CAMTA1: variants seen among roughly 807,000 people sequenced by gnomAD.
CAMTA1 encodes the protein calmodulin-binding transcription activator 1.
In CAMTA1, 27 loss-of-function variants were observed where a neutral mutation model predicts 170.9. The ratio of observed to expected loss-of-function variants is 0.16; its 90% CI spans 0.12 to 0.22. The LOEUF is 0.22. Among genes scored for constraint, CAMTA1 ranks in the 10% least tolerant of loss-of-function variants. The pLI is 1.00. For missense variants in CAMTA1, 1,619 were observed against 2,217.2 expected (o/e 0.73, Z 5.42); for synonymous variants, 833 against 891.5 (o/e 0.93, Z 1.17).
chr1:7,302,594 G>T (rs1674938148), intron 5 of CAMTA1, among the ~76,000 whole-genome samples: 1 of 152,226 alleles, frequency 6.6e-6, no homozygotes, highest in African/African-American at 2.4e-5. Context: ...AATAACTGCA[G>T]TTAGAAGATT....
rs12751828 is a variant in CAMTA1 at position 7,492,749 on chromosome 1, A to G, written c.510+24848A>G. Among the ~76,000 whole-genome samples the G allele has an allele frequency of 3.8e-3, 532 of 139,240 alleles. 6 individuals carry two copies. The highest frequency in any genetic ancestry group is 9.2e-3 in the African/African-American group (331 of 35,980). The allele number at this position is 139,240 out of a possible 152,430, so 91.3% of individuals were successfully genotyped here. ...CAAACCTACATACACACACGCGCGC[A>G]CACACACACAAACCTACATACACAA... On this transcript the variant is annotated intron_variant, in intron 6 of 22. Coordinates refer to ENST00000303635, the MANE Select transcript of CAMTA1 (RefSeq NM_015215.4).
intron 3 of CAMTA1, among the ~76,000 whole-genome samples, chr1:7,059,697 G>A (rs372148731): frequency 5.9e-5 from 9 of 152,138 alleles, no homozygotes; most frequent in East Asian, 3.9e-4. Context: ...AGCCTTGTTC[G>A]AAGGATGACC....
At chr1:7,544,824 A>C (rs1246050467) in intron 6 of CAMTA1, among the ~76,000 whole-genome samples, 1 of 152,190 alleles carries the variant, frequency 6.6e-6, no homozygotes, top group African/African-American at 2.4e-5. Flanking sequence ...AGAGGAAGCA[A>C]GAGAGAGAAA....
chr1:7,753,099 G>C (rs138256065), intron 21 of CAMTA1, among the ~76,000 whole-genome samples: 7 of 152,308 alleles, frequency 4.6e-5, no homozygotes, highest in Non-Finnish European at 8.8e-5. Context: ...GAATGCAGCT[G>C]TTCAGGAAAA....
chr1:7,236,749 T>C (rs139192618), intron 4 of CAMTA1, among the ~76,000 whole-genome samples: 1 of 152,242 alleles, frequency 6.6e-6, no homozygotes, highest in Non-Finnish European at 1.5e-5. Context: ...TGGTCGCAGT[T>C]GTCCTGGTTG....
intron 3 of CAMTA1, among the ~76,000 whole-genome samples, chr1:7,040,720 C>A (rs1040213278): frequency 7.9e-5 from 12 of 151,278 alleles, no homozygotes; most frequent in Admixed American, 5.3e-4. Flanking sequence ...CATGGATCTC[C>A]CTCTTTTTTT....
chr1:7,207,102 A>T (rs149519270), intron 4 of CAMTA1, among the ~76,000 whole-genome samples: 1 of 152,296 alleles, frequency 6.6e-6, no homozygotes, highest in East Asian at 1.9e-4. Context: ...TCCTAGAGGA[A>T]TTTCTTTGCT....
At chr1:7,669,523 C>T (rs1292201106) in intron 9 of CAMTA1, among the ~76,000 whole-genome samples, 2 of 152,228 alleles carry the variant, frequency 1.3e-5, no homozygotes, top group Admixed American at 6.5e-5. Context: ...CTGGTTGGCA[C>T]GGAGTTGGGG....
chr1:7,068,109 T>A lies in CAMTA1; in HGVS notation c.235-23195T>A, dbSNP rs1444453209. ...GTGACATGAGATGGTACATTTTCCTTCTTCTTTAAGGTAATTTAGGTTGGA... is the reference window on the plus strand; with the variant it reads ...GTGACATGAGATGGTACATTTTCCTACTTCTTTAAGGTAATTTAGGTTGGA... On this transcript the variant is annotated intron_variant, in intron 3 of 22. Coordinates refer to ENST00000303635, the MANE Select transcript of CAMTA1 (RefSeq NM_015215.4). Among the ~76,000 whole-genome samples the A allele has an allele frequency of 2.0e-5, 3 of 152,298 alleles. No individual in the cohort carries two copies. In the East Asian group the frequency reaches 5.8e-4, roughly 29 times the overall value.
intron 6 of CAMTA1, among the ~76,000 whole-genome samples, chr1:7,626,052 G>C (rs1000826659): frequency 1.3e-5 from 2 of 152,174 alleles, no homozygotes; most frequent in African/African-American, 4.8e-5. Context: ...ACTCCTTCAA[G>C]ACATAAACTG....
intron 3 of CAMTA1, among the ~76,000 whole-genome samples, chr1:6,904,943 C>T (rs2149237006): frequency 6.6e-6 from 1 of 151,938 alleles, no homozygotes; most frequent in South Asian, 2.1e-4. Flanking sequence ...GCTGTGTGTC[C>T]AAAGCCAAAC....
intron 3 of CAMTA1, among the ~76,000 whole-genome samples, chr1:6,880,981 C>G (rs1671410972): frequency 6.6e-6 from 1 of 152,036 alleles, no homozygotes; most frequent in South Asian, 2.1e-4. Flanking sequence ...CTTATATATG[C>G]CAATTACATT....
At chr1:7,072,336 G>T (rs949960480) in intron 3 of CAMTA1, among the ~76,000 whole-genome samples, 1 of 152,218 alleles carries the variant, frequency 6.6e-6, no homozygotes, top group Non-Finnish European at 1.5e-5. Flanking sequence ...GATGCGAGGT[G>T]TGTGGGCTCC....
At chr1:7,291,071 C>T (rs999747364) in intron 5 of CAMTA1, among the ~76,000 whole-genome samples, 13 of 152,088 alleles carry the variant, frequency 8.5e-5, no homozygotes, top group Non-Finnish European at 1.9e-4. Context: ...CTGAGTCTGC[C>T]GGGACTGCTG....
At chr1:6,891,376 G>A (rs535975798) in intron 3 of CAMTA1, among the ~76,000 whole-genome samples, 1 of 152,264 alleles carries the variant, frequency 6.6e-6, no homozygotes, top group African/African-American at 2.4e-5. Flanking sequence ...AAATGTTTGC[G>A]CTCAGTCCCT....
chr1:7,354,670 T>A (rs552404443), intron 5 of CAMTA1, among the ~76,000 whole-genome samples: 28 of 152,382 alleles, frequency 1.8e-4, no homozygotes, highest in African/African-American at 6.0e-4. Flanking sequence ...TGCACTAATT[T>A]ACATTCCCAC....
At chr1:7,595,816 G>A (rs2095395168) in intron 6 of CAMTA1, among the ~76,000 whole-genome samples, 1 of 152,160 alleles carries the variant, frequency 6.6e-6, no homozygotes, top group Non-Finnish European at 1.5e-5. Flanking sequence ...GTGTTTTCAT[G>A]GCCCTGGCGG....
At chr1:7,149,809 G>GT (rs1364675870) in intron 4 of CAMTA1, among the ~76,000 whole-genome samples, 1 of 152,216 alleles carries the variant, frequency 6.6e-6, no homozygotes, top group African/African-American at 2.4e-5. Context: ...GGTGCCCAGG[G>GT]TAAGGGGATG....
chr1:6,993,936 T>C (rs995387843), intron 3 of CAMTA1, among the ~76,000 whole-genome samples: 1 of 152,204 alleles, frequency 6.6e-6, no homozygotes, highest in Non-Finnish European at 1.5e-5. Flanking sequence ...TTTGGGTTAA[T>C]TGAATGTATT....
Sources: allele counts gnomAD v4.1 joint callset (sites outside exome capture counted in the v4.1 genomes callset), GRCh38; gene constraint gnomAD v4.1.1; transcripts MANE v1.5; gene names NCBI Gene and HGNC (gene_info 2026-07-23, HGNC 2026-07-21).